GPHN: variants seen among roughly 807,000 people sequenced by gnomAD.
The protein encoded by GPHN is gephyrin.
GPHN carries 17 observed loss-of-function variants against 95.5 expected under a neutral mutation model. The ratio of observed to expected loss-of-function variants is 0.18; its 90% CI spans 0.12 to 0.27. GPHN has a LOEUF of 0.27. Ranked by LOEUF, GPHN falls within the 10% of genes least tolerant of loss-of-function variation. The pLI, the probability that GPHN is intolerant of heterozygous loss-of-function variation, is 1.00. For missense variants in GPHN, 660 were observed against 978.1 expected, an observed-to-expected ratio of 0.67 and a Z score of 4.34; for synonymous variants, 320 against 322.5, an observed-to-expected ratio of 0.99 and a Z score of 0.08.
intron 4 of GPHN, among the ~76,000 whole-genome samples, chr14:66,845,231 G>T (rs969151230): frequency 1.3e-5 from 2 of 152,050 alleles, no homozygotes; most frequent in Non-Finnish European, 2.9e-5. Flanking sequence ...AACTAGAAAT[G>T]GATTCAATAG....
chr14:66,619,509 G>A (rs934036797), intron 1 of GPHN, among the ~76,000 whole-genome samples: 2 of 147,012 alleles, frequency 1.4e-5, no homozygotes, highest in South Asian at 2.1e-4. Context: ...TTTACCATAT[G>A]TATATCTTTT....
chr14:67,323,030 A>C, the GPHN span, among the ~76,000 whole-genome samples: 1 of 152,130 alleles, frequency 6.6e-6, no homozygotes, highest in African/African-American at 2.4e-5. Flanking sequence ...GTATGATTCT[A>C]ATTGCTCCAA....
At chr14:66,727,146 A>G (rs2071320285) in intron 2 of GPHN, among the ~76,000 whole-genome samples, 1 of 152,186 alleles carries the variant, frequency 6.6e-6, no homozygotes, top group South Asian at 2.1e-4. Context: ...ATTTCCCTGC[A>G]CAAGCTCACT....
intron 10 of GPHN, among the ~76,000 whole-genome samples, chr14:67,026,481 C>G (rs1250031296): frequency 2.6e-5 from 4 of 152,092 alleles, no homozygotes; most frequent in Admixed American, 6.5e-5. Flanking sequence ...TCACACACAA[C>G]AACAAATCCT....
At chr14:67,658,602 AAAT>A in the GPHN span, among the ~76,000 whole-genome samples, 9 of 152,338 alleles carry the variant, frequency 5.9e-5, no homozygotes, top group Admixed American at 3.3e-4. Flanking sequence ...GTCTCAAAAA[AAAT>A]AATAATAATT....
At chr14:66,842,827 A>G (rs896932210) in intron 4 of GPHN, 6 of 770,454 alleles carry the variant, frequency 7.8e-6, no homozygotes, top group Non-Finnish European at 8.5e-6. Flanking sequence ...ACATCTGTTT[A>G]ATTTCCTTGT....
At chr14:67,278,957 G>T in the GPHN span, 2 of 434,980 alleles carry the variant, frequency 4.6e-6, no homozygotes, top group East Asian at 3.9e-5. Flanking sequence ...AGTGGGCTCT[G>T]TAAAAACCTG....
intron 8 of GPHN, among the ~76,000 whole-genome samples, chr14:66,960,411 G>T: frequency 6.6e-6 from 1 of 150,920 alleles, no homozygotes; most frequent in Admixed American, 6.6e-5. Flanking sequence ...CCTCTCCCTG[G>T]GGCTTTTTGT....
At chr14:67,576,556 CTA>C in the GPHN span, 1 of 888,952 alleles carries the variant, frequency 1.1e-6, no homozygotes, top group Non-Finnish European at 1.9e-6. The surrounding 1 kb of genome is among the most constrained non-coding windows in gnomAD (Gnocchi z 4.0). Flanking sequence ...GGCTTGGTGA[CTA>C]TTGGTCAAGA....
chr14:67,634,970 G>A, the GPHN span, among the ~76,000 whole-genome samples: 4 of 152,176 alleles, frequency 2.6e-5, no homozygotes, highest in South Asian at 4.1e-4. Flanking sequence ...TTGGCTGGGC[G>A]CACGGTGGCT....
At chr14:66,755,835 A>G (rs2058536003) in intron 2 of GPHN, among the ~76,000 whole-genome samples, 2 of 152,182 alleles carry the variant, frequency 1.3e-5, no homozygotes, top group Non-Finnish European at 2.9e-5. Flanking sequence ...CAAAAGGAAA[A>G]TAATAGTTAA....
At chr14:66,863,038 T>C (rs4899199) in intron 4 of GPHN, among the ~76,000 whole-genome samples, 151,504 of 152,258 alleles carry the variant, frequency 1, 75,416 homozygotes, top group Middle Eastern at 1. Context: ...GTCAAATTAT[T>C]CTTGTTTTCA....
chr14:67,327,218 C>T, the GPHN span, among the ~76,000 whole-genome samples: 2 of 152,120 alleles, frequency 1.3e-5, no homozygotes, highest in Admixed American at 1.3e-4. Flanking sequence ...TGAAGCTGCT[C>T]TAAACATTCA....
At chr14:66,654,413 A>AGG (rs2065205869) in intron 1 of GPHN, among the ~76,000 whole-genome samples, 3 of 152,134 alleles carry the variant, frequency 2.0e-5, no homozygotes, top group African/African-American at 7.2e-5. Context: ...ATTTTAATTT[A>AGG]CATTTTCCTA....
the GPHN span, among the ~76,000 whole-genome samples, chr14:67,193,064 C>CTA: frequency 7.0e-6 from 1 of 142,846 alleles, no homozygotes; most frequent in Non-Finnish European, 1.5e-5. Flanking sequence ...ATCTCTATAT[C>CTA]TATATATATC....
At chr14:67,402,302 CATA>C in the GPHN span, among the ~76,000 whole-genome samples, 5 of 151,968 alleles carry the variant, frequency 3.3e-5, no homozygotes, top group African/African-American at 4.8e-5. Context: ...TTTGTGGGTA[CATA>C]ATAAGTATAT....
chr14:66,844,433 G>C (rs1187788657), intron 4 of GPHN, among the ~76,000 whole-genome samples: 1 of 152,116 alleles, frequency 6.6e-6, no homozygotes, highest in Non-Finnish European at 1.5e-5. Flanking sequence ...GTCTAAGGAG[G>C]AGATGTAAAG....
intron 2 of GPHN, among the ~76,000 whole-genome samples, chr14:66,750,230 G>C (rs1223925842): frequency 6.6e-6 from 1 of 151,832 alleles, no homozygotes; most frequent in Non-Finnish European, 1.5e-5. Context: ...ATTTAGGTCT[G>C]ATTCATTTTG....
At chr14:67,600,400 T>TACACA in the GPHN span, 3 of 537,060 alleles carry the variant, frequency 5.6e-6, no homozygotes, top group South Asian at 2.5e-5. Flanking sequence ...CTTGACTGTC[T>TACACA]TCGAAAAAAC....
Sources: allele counts gnomAD v4.1 joint callset (sites outside exome capture counted in the v4.1 genomes callset), GRCh38; gene constraint gnomAD v4.1.1; non-coding constraint Gnocchi (gnomAD v3.1); transcripts MANE v1.5; gene names NCBI Gene and HGNC (gene_info 2026-07-23, HGNC 2026-07-21).